Variants in UNC5D observed in about 807,000 individuals in gnomAD.
UNC5D encodes the protein netrin receptor UNC5D.
In UNC5D, 39 loss-of-function variants were observed where a neutral mutation model predicts 105.4. That is an observed-to-expected ratio of 0.37 (90% CI 0.29 to 0.48). The LOEUF is 0.48. Ranked by LOEUF, UNC5D falls within the 20% of genes least tolerant of loss-of-function variation. The pLI, the probability that UNC5D is intolerant of heterozygous loss-of-function variation, is 0.98. For synonymous variants in UNC5D, 452 were observed against 450.4 expected (o/e 1.00, Z -0.04); for missense variants, 991 against 1,202.4 (o/e 0.82, Z 2.60).
At chr8:35,761,775 C>T (rs1024516652) in intron 14 of UNC5D, among the ~76,000 whole-genome samples, 9 of 152,188 alleles carry the variant, frequency 5.9e-5, no homozygotes, top group Admixed American at 5.9e-4. Flanking sequence ...AATCCCTCAG[C>T]TTGTGTGAAT....
chr8:35,349,786 T>C (rs1055841910), intron 1 of UNC5D, among the ~76,000 whole-genome samples: 9 of 151,972 alleles, frequency 5.9e-5, no homozygotes, highest in African/African-American at 1.7e-4. Flanking sequence ...GCATAATTTT[T>C]GTTATTAAAA....
intron 1 of UNC5D, among the ~76,000 whole-genome samples, chr8:35,488,543 G>T (rs72634931): frequency 6.6e-6 from 1 of 152,270 alleles, no homozygotes; most frequent in Non-Finnish European, 1.5e-5. Context: ...TTCCAGTGTT[G>T]CAAGGGTAAT....
rs141132832 is a variant in UNC5D, at chr8:35,314,542, C to T, written c.103+78655C>T. Reference sequence around the variant, plus strand: ...CAATTAGTAGGAATAGTGGTTGAAACAACTGAATAAAATGTAATAGGAATA... The same window carrying T: ...CAATTAGTAGGAATAGTGGTTGAAATAACTGAATAAAATGTAATAGGAATA... On this transcript the variant is annotated intron_variant, in intron 1 of 16. Coordinates refer to ENST00000404895, the MANE Select transcript of UNC5D (RefSeq NM_080872.4). Among the ~76,000 whole-genome samples the T allele has an allele frequency of 5.6e-3, 838 of 148,344 alleles. 10 individuals are homozygous for T. The highest frequency in any genetic ancestry group is 0.02 in the African/African-American group (815 of 40,412).
At chr8:35,276,913 G>A (rs1043017406) in intron 1 of UNC5D, among the ~76,000 whole-genome samples, 1 of 152,250 alleles carries the variant, frequency 6.6e-6, no homozygotes, top group East Asian at 1.9e-4. Flanking sequence ...ACAAAATAAG[G>A]TTTATCACCC....
At chr8:35,470,401 C>G (rs1025412655) in intron 1 of UNC5D, among the ~76,000 whole-genome samples, 2 of 151,882 alleles carry the variant, frequency 1.3e-5, no homozygotes, top group Non-Finnish European at 2.9e-5. Context: ...GCCATGGATC[C>G]TGATATTGAG....
chr8:35,363,584 T>G (rs778211561), intron 1 of UNC5D, among the ~76,000 whole-genome samples: 3 of 152,178 alleles, frequency 2.0e-5, no homozygotes, highest in African/African-American at 4.8e-5. Flanking sequence ...AGCACAGATA[T>G]GATGTTGTGG....
Position 35,409,380 on chromosome 8 carries a change from C to T in UNC5D, c.104-139912C>T, listed in dbSNP as rs113513007. ...CAGTGGATGAGAGCTCCAGTGCCTC[C>T]ACAGCCTTGGTGTTGTCAGCTTTTG... On this transcript the variant is annotated intron_variant, in intron 1 of 16. Transcript: ENST00000404895. Among the ~76,000 whole-genome samples the T allele has an allele frequency of 4.6e-5, 7 of 152,148 alleles. 1 individual carries two copies. Among genetic ancestry groups the T allele is most frequent in the African/African-American group, 1.7e-4 (7 of 41,554 alleles).
intron 1 of UNC5D, among the ~76,000 whole-genome samples, chr8:35,524,233 ACT>A (rs1190498818): frequency 2.6e-5 from 2 of 78,042 alleles, no homozygotes; most frequent in African/African-American, 1.1e-4. Flanking sequence ...AGGGCAGCTG[ACT>A]CTCTCATGTG....
At chr8:35,623,101 AG>A (rs1192757496) in intron 4 of UNC5D, among the ~76,000 whole-genome samples, 1 of 152,164 alleles carries the variant, frequency 6.6e-6, no homozygotes, top group East Asian at 1.9e-4. Context: ...CTAGTGATAG[AG>A]TCAGCAAAAA....
At chr8:35,284,909 A>C (rs774628247) in intron 1 of UNC5D, among the ~76,000 whole-genome samples, 4 of 152,134 alleles carry the variant, frequency 2.6e-5, no homozygotes, top group Non-Finnish European at 4.4e-5. Flanking sequence ...TCTGAGCTCT[A>C]TAACATATAG....
intron 4 of UNC5D, among the ~76,000 whole-genome samples, chr8:35,602,656 C>T (rs1010907367): frequency 6.6e-6 from 1 of 152,148 alleles, no homozygotes; most frequent in Admixed American, 6.5e-5. Context: ...TCCCCTTTGT[C>T]ATTTTTTATT....
intron 16 of UNC5D, among the ~76,000 whole-genome samples, chr8:35,779,269 G>A (rs1489059805): frequency 6.6e-6 from 1 of 152,094 alleles, no homozygotes; most frequent in African/African-American, 2.4e-5. Flanking sequence ...ATTAAATGTT[G>A]GAAACTAACT....
At chr8:35,261,305 A>G (rs900952203) in intron 1 of UNC5D, among the ~76,000 whole-genome samples, 4 of 152,148 alleles carry the variant, frequency 2.6e-5, no homozygotes, top group Admixed American at 2.6e-4. Flanking sequence ...ACCCTGCACA[A>G]TTGATGTTTC....
At position 35,705,217 on chromosome 8, in the gene UNC5D, G is replaced by C. The variant is rs370554404; in HGVS notation, c.1085-712G>C. The stretch of plus-strand genomic sequence containing the variant: ...CTGACCTCGTGATCCGCCCGCCTTG[G>C]CCTCCCAAAGTGCTGGGATTATAGG... On this transcript the variant is annotated intron_variant, in intron 7 of 16. Transcript: ENST00000404895. Among the ~76,000 whole-genome samples the C allele has an allele frequency of 9.9e-5, 15 of 152,240 alleles. No homozygotes were observed. In the East Asian group the frequency reaches 1.7e-3, roughly 18 times the overall value.
intron 11 of UNC5D, among the ~76,000 whole-genome samples, chr8:35,733,290 G>A (rs1378267843): frequency 6.6e-6 from 1 of 152,160 alleles, no homozygotes; most frequent in African/African-American, 2.4e-5. Flanking sequence ...TTCATTTTAA[G>A]CTGGGGTGAA....
chr8:35,382,217 T>C (rs1803087244), intron 1 of UNC5D, among the ~76,000 whole-genome samples: 3 of 152,314 alleles, frequency 2.0e-5, no homozygotes, highest in South Asian at 2.1e-4. Context: ...TCAATGTGAA[T>C]TGAAAGGCAT....
chr8:35,575,592 C>T (rs1053283605), intron 3 of UNC5D, among the ~76,000 whole-genome samples: 1 of 152,166 alleles, frequency 6.6e-6, no homozygotes, highest in South Asian at 2.1e-4. Flanking sequence ...ACCTCCACTG[C>T]TCCCTTCCTA....
chr8:35,329,107 C>A (rs978250771), intron 1 of UNC5D, among the ~76,000 whole-genome samples: 13 of 152,170 alleles, frequency 8.5e-5, no homozygotes, highest in African/African-American at 3.1e-4. Flanking sequence ...ATATATCTAA[C>A]TTCCTCTAAT....
intron 9 of UNC5D, 23 bp downstream of exon 9, chr8:35,722,418 C>T: frequency 6.2e-7 from 1 of 1,607,580 alleles, no homozygotes; most frequent in South Asian, 1.1e-5. Context: ...GGTCCCTCCA[C>T]ACCTCGTCCT....
Sources: allele counts gnomAD v4.1 joint callset (sites outside exome capture counted in the v4.1 genomes callset), GRCh38; gene constraint gnomAD v4.1.1; transcripts MANE v1.5; gene names NCBI Gene and HGNC (gene_info 2026-07-23, HGNC 2026-07-21).